The following SGCZ variants were observed in gnomAD, a reference collection of about 807,000 sequenced individuals.
The protein encoded by SGCZ is zeta-sarcoglycan.
A neutral mutation model predicts 41.3 loss-of-function variants in SGCZ; 40 were observed. That is an observed-to-expected ratio of 0.97 (90% CI 0.75 to 1.26). The LOEUF (loss-of-function observed/expected upper bound fraction) is 1.26, where lower values mean the gene tolerates loss of function less well. SGCZ is among the 50% of genes most tolerant of loss of function. SGCZ has a pLI of 0.00. For synonymous variants in SGCZ, 206 were observed against 137.5 expected, an observed-to-expected ratio of 1.50 and a Z score of -3.49; for missense variants, 552 against 369.8, an observed-to-expected ratio of 1.49 and a Z score of -4.04.
At chr8:14,466,668 A>T (rs1360330524) in intron 2 of SGCZ, among the ~76,000 whole-genome samples, 1 of 150,888 alleles carries the variant, frequency 6.6e-6, no homozygotes, top group Non-Finnish European at 1.5e-5. Context: ...TATTCCTCAG[A>T]CTCAATAATT....
intron 2 of SGCZ, among the ~76,000 whole-genome samples, chr8:14,436,156 C>T (rs1800084898): frequency 6.6e-6 from 1 of 152,112 alleles, no homozygotes; most frequent in Non-Finnish European, 1.5e-5. Flanking sequence ...TGTTTCGATC[C>T]TCTGCCCCGA....
At chr8:15,163,931 G>A (rs76327188) in intron 1 of SGCZ, among the ~76,000 whole-genome samples, 7,455 of 152,284 alleles carry the variant, frequency 0.049, 273 homozygotes, top group East Asian at 0.099. Flanking sequence ...ACTGAGGTGG[G>A]GCCTCAGAAA....
At chr8:14,794,581 T>C (rs1358851930) in intron 1 of SGCZ, among the ~76,000 whole-genome samples, 2 of 152,116 alleles carry the variant, frequency 1.3e-5, no homozygotes, top group Admixed American at 1.3e-4. Context: ...AAGTGCAACA[T>C]TCATATAAAA....
chr8:15,083,317 A>G (rs1805823758), intron 1 of SGCZ, among the ~76,000 whole-genome samples: 1 of 152,230 alleles, frequency 6.6e-6, no homozygotes, highest in Non-Finnish European at 1.5e-5. Flanking sequence ...GCATATAAAC[A>G]GATCATCTCT....
At chr8:14,776,492 A>G (rs1800404620) in intron 1 of SGCZ, among the ~76,000 whole-genome samples, 1 of 150,512 alleles carries the variant, frequency 6.6e-6, no homozygotes, top group South Asian at 2.1e-4. Context: ...GTGTGAAATC[A>G]GACTAATACA....
chr8:15,003,527 G>C (rs972712464), intron 1 of SGCZ, among the ~76,000 whole-genome samples: 1 of 152,106 alleles, frequency 6.6e-6, no homozygotes, highest in Non-Finnish European at 1.5e-5. Flanking sequence ...TGCAAAATAA[G>C]TTAGTCAAAC....
intron 4 of SGCZ, among the ~76,000 whole-genome samples, chr8:14,183,123 G>A (rs141024937): frequency 9.2e-5 from 14 of 152,054 alleles, no homozygotes; most frequent in Middle Eastern, 3.4e-3. Flanking sequence ...TATTACAGGT[G>A]TTAAAATGGT....
At chr8:14,341,740 A>C (rs1011372898) in intron 2 of SGCZ, among the ~76,000 whole-genome samples, 1 of 152,148 alleles carries the variant, frequency 6.6e-6, no homozygotes, top group Non-Finnish European at 1.5e-5. Context: ...AATAAGTCTC[A>C]TGAGATCTGA....
chr8:14,378,901 A>G (rs555959896), intron 2 of SGCZ, among the ~76,000 whole-genome samples: 1 of 152,322 alleles, frequency 6.6e-6, no homozygotes, highest in South Asian at 2.1e-4. Context: ...AAAAATCTTT[A>G]TTTGACTTAT....
intron 2 of SGCZ, among the ~76,000 whole-genome samples, chr8:14,348,421 G>T (rs1585392464): frequency 6.6e-6 from 1 of 151,980 alleles, no homozygotes; most frequent in East Asian, 1.9e-4. Flanking sequence ...TCAGTTACAG[G>T]ATCAATAAAT....
At chr8:14,223,825 C>T (rs1039017549) in intron 4 of SGCZ, among the ~76,000 whole-genome samples, 2 of 152,166 alleles carry the variant, frequency 1.3e-5, no homozygotes, top group East Asian at 3.8e-4. Context: ...TGAATAAAAA[C>T]TACCTTCTGC....
At chr8:14,441,080 G>A (rs966105229) in intron 2 of SGCZ, among the ~76,000 whole-genome samples, 1 of 152,066 alleles carries the variant, frequency 6.6e-6, no homozygotes, top group African/African-American at 2.4e-5. Context: ...CACTGATACA[G>A]GACCGAAGTC....
At chr8:15,137,898 G>T (rs1808173715) in intron 1 of SGCZ, among the ~76,000 whole-genome samples, 1 of 152,174 alleles carries the variant, frequency 6.6e-6, no homozygotes, top group Non-Finnish European at 1.5e-5. Context: ...GTGAGAAGAG[G>T]GCCACCGTCC....
intron 1 of SGCZ, among the ~76,000 whole-genome samples, chr8:14,996,835 C>A (rs1480731034): frequency 6.6e-6 from 1 of 152,196 alleles, no homozygotes; most frequent in Non-Finnish European, 1.5e-5. Flanking sequence ...TAGTTATTCA[C>A]CACTTGGATC....
chr8:14,097,613 C>A (rs984363636), intron 7 of SGCZ, among the ~76,000 whole-genome samples: 1 of 152,062 alleles, frequency 6.6e-6, no homozygotes, highest in African/African-American at 2.4e-5. Flanking sequence ...TCTCCTTTGT[C>A]CAGAGCTGAG....
chr8:14,219,741 G>A (rs945883747), intron 4 of SGCZ, among the ~76,000 whole-genome samples: 1 of 91,614 alleles, frequency 1.1e-5, no homozygotes, highest in African/African-American at 4.9e-5. Context: ...GTGAGACTTC[G>A]TCTCAAAAAA....
intron 1 of SGCZ, among the ~76,000 whole-genome samples, chr8:14,806,205 G>A (rs1360168842): frequency 6.6e-6 from 1 of 151,838 alleles, no homozygotes; most frequent in East Asian, 1.9e-4. Context: ...TCAAAAGCTA[G>A]CAGAAGGCAA....
chr8:14,395,245 C>A (rs1798877138), intron 2 of SGCZ, among the ~76,000 whole-genome samples: 1 of 152,062 alleles, frequency 6.6e-6, no homozygotes, highest in Non-Finnish European at 1.5e-5. Context: ...TTAAACATAG[C>A]CTTTGCCCTT....
At chr8:14,721,532 A>G (rs545056439) in intron 1 of SGCZ, among the ~76,000 whole-genome samples, 8 of 152,272 alleles carry the variant, frequency 5.3e-5, no homozygotes, top group African/African-American at 1.7e-4. Context: ...CGGCCCATCA[A>G]TAAATCCCAC....
Sources: gnomAD v4.1 joint callset for allele counts (sites outside exome capture counted in the v4.1 genomes callset) on GRCh38, gnomAD v4.1.1 for gene constraint, MANE v1.5 for transcripts, NCBI Gene and HGNC (gene_info 2026-07-23, HGNC 2026-07-21) for gene names.